Variants in PRKCI observed in about 807,000 individuals in gnomAD.
The protein encoded by PRKCI is protein kinase C iota.
In PRKCI, 43 loss-of-function variants were observed where a neutral mutation model predicts 84.0. That is an observed-to-expected ratio of 0.51 (90% CI 0.40 to 0.66). The LOEUF is 0.66. Ranked by LOEUF, PRKCI falls within the 30% of genes least tolerant of loss-of-function variation. PRKCI has a pLI of 0.00. For missense variants in PRKCI, 459 were observed against 745.6 expected, an observed-to-expected ratio of 0.62 and a Z score of 4.48; for synonymous variants, 216 against 234.4, an observed-to-expected ratio of 0.92 and a Z score of 0.72.
At chr3:170,289,351 T>C (rs765026593) in intron 12 of PRKCI, among the ~76,000 whole-genome samples, 16 of 152,216 alleles carry the variant, frequency 1.1e-4, no homozygotes, top group Admixed American at 3.3e-4. Context: ...TTCTAGATGT[T>C]TATAGCAGTG....
At chr3:170,269,146 C>T (rs1733938632) in intron 5 of PRKCI, among the ~76,000 whole-genome samples, 1 of 152,176 alleles carries the variant, frequency 6.6e-6, no homozygotes, top group Admixed American at 6.5e-5. Context: ...AACTCCTGAC[C>T]TCGCGTGATC....
chr3:170,222,447 G>C lies in PRKCI; in HGVS notation c.-223G>C, dbSNP rs904649847. The C allele has an allele frequency of 4.0e-5, 18 of 450,708 alleles. No individual in the cohort carries two copies. Among genetic ancestry groups the C allele is most frequent in the Non-Finnish European group, 5.8e-5 (15 of 259,518 alleles). The allele number at this position is 450,708 out of a possible 1,614,324, so 27.9% of individuals were successfully genotyped here. On this transcript the variant is annotated 5_prime_UTR_variant, in exon 1 of 18. Coordinates refer to ENST00000295797, the MANE Select transcript of PRKCI (RefSeq NM_002740.6). ...CCGACGCAGGAGGTGTCTTGGGCCC[G>C]GGCGGCTGTAGAGGCGGCGGCGCCT...
intron 1 of PRKCI, among the ~76,000 whole-genome samples, chr3:170,226,054 A>G (rs1732620470): frequency 6.6e-6 from 1 of 151,940 alleles, no homozygotes; most frequent in Non-Finnish European, 1.5e-5. Flanking sequence ...GTGGGACTAC[A>G]GGCGCCCACC....
At position 170,225,607 on chromosome 3, in the gene PRKCI, C is replaced by T. The variant is rs545271204; in HGVS notation, c.101+2837C>T. 4.6e-5 allele frequency among the ~76,000 whole-genome samples: 7 copies of T among 151,046 alleles called. No homozygotes were observed. In the South Asian group the frequency reaches 8.3e-4, roughly 18 times the overall value. ...TTTTTAAATAGAGACAAGGTCTCAC[C>T]GTGTTGCCCAGGCTAATCCCAAACT... On this transcript the variant is annotated intron_variant, in intron 1 of 17. Transcript: ENST00000295797.
intron 2 of PRKCI, among the ~76,000 whole-genome samples, chr3:170,250,391 C>T (rs1237181119): frequency 6.7e-6 from 1 of 150,270 alleles, no homozygotes; most frequent in Non-Finnish European, 1.5e-5. Flanking sequence ...CAGAGTTGTG[C>T]AGCTGTTATC....
intron 1 of PRKCI, among the ~76,000 whole-genome samples, chr3:170,228,127 A>G (rs1194532212): frequency 6.6e-6 from 1 of 152,182 alleles, no homozygotes; most frequent in Non-Finnish European, 1.5e-5. Flanking sequence ...TCAGGAGGAA[A>G]TGTCAGAAAG....
chr3:170,293,497 A>C lies in PRKCI; in HGVS notation c.1406A>C (p.Tyr469Ser). Residue 469 changes from tyrosine (Y) to serine (S), a missense_variant, in exon 14 of 18, where the codon TAT (tyrosine) becomes TCT (serine). Tyr to Ser is a moderately radical substitution (Grantham distance 144). Coordinates refer to ENST00000295797, the MANE Select transcript of PRKCI (RefSeq NM_002740.6). ...AACCCTGACCAGAACACAGAGGATT[A>C]TCTCTTCCAAGGTAATTTGGAGTAT... The part of the protein sequence containing the change: ...SDNPDQNTED[Y>S]LFQVILEKQI... The C allele has an allele frequency of 6.2e-7, 1 of 1,613,536 alleles. No homozygotes were observed. Among genetic ancestry groups the C allele is most frequent in the Non-Finnish European group, 8.5e-7 (1 of 1,179,730 alleles).
At chr3:170,266,538 C>A in intron 4 of PRKCI, among the ~76,000 whole-genome samples, 1 of 149,628 alleles carries the variant, frequency 6.7e-6, no homozygotes. Context: ...AAACAACTAA[C>A]CAGACTCTTT....
intron 7 of PRKCI, among the ~76,000 whole-genome samples, chr3:170,273,673 G>A (rs1166594654): frequency 6.6e-6 from 1 of 151,062 alleles, no homozygotes; most frequent in African/African-American, 2.4e-5. Context: ...AAATTAGCAG[G>A]GTGTGGTGGC....
chr3:170,272,730 C>G (rs777171258), intron 6 of PRKCI, among the ~76,000 whole-genome samples: 1 of 152,126 alleles, frequency 6.6e-6, no homozygotes, highest in Non-Finnish European at 1.5e-5. Context: ...AAGAATAAAT[C>G]AGTAATAACT....
At chr3:170,302,195 A>G (rs1461974916) in intron 17 of PRKCI, among the ~76,000 whole-genome samples, 4 of 152,178 alleles carry the variant, frequency 2.6e-5, no homozygotes, top group South Asian at 2.1e-4. Flanking sequence ...ACACACTTCT[A>G]TTCCTGTGCT....
chr3:170,243,366 C>T (rs1021939911), intron 2 of PRKCI, among the ~76,000 whole-genome samples: 2 of 152,130 alleles, frequency 1.3e-5, no homozygotes, highest in African/African-American at 4.8e-5. Context: ...CTTCTTATTG[C>T]TGAGTAGTAT....
chr3:170,273,416 C>A, intron 7 of PRKCI, 76 bp downstream of exon 7: 2 of 1,395,056 alleles, frequency 1.4e-6, no homozygotes, highest in South Asian at 2.4e-5. Context: ...GACTCTCTTA[C>A]CCAAGTTTAA....
chr3:170,222,712 G>T lies in PRKCI; in HGVS notation c.43G>T (p.Ala15Ser). ...RDSSTMSHTV[A>S]GGGSGDHSHQ... ...CAGCAGCACCATGTCCCACACGGTC[G>T]CAGGCGGCGGCAGCGGGGACCATTC... Residue 15 changes from alanine to serine, a missense_variant, in exon 1 of 18, where the codon GCA becomes TCA. Around this residue, in one of 2 missense-constraint regions of PRKCI, gnomAD observed 250 missense variants for 319.7 expected, o/e 0.78. Coordinates refer to ENST00000295797, the MANE Select transcript of PRKCI (RefSeq NM_002740.6). 4.3e-6 allele frequency: 7 copies of T among 1,610,200 alleles called. No homozygotes were observed. The highest frequency in any genetic ancestry group is 5.9e-6 in the Non-Finnish European group (7 of 1,178,964).
intron 2 of PRKCI, 45 bp from the exon 3 acceptor site, chr3:170,259,924 T>A (rs757809630): frequency 3.4e-6 from 4 of 1,185,014 alleles, no homozygotes; most frequent in Middle Eastern, 2.0e-4. Context: ...ATCATCACAT[T>A]TAGGGGTTTT....
intron 7 of PRKCI, among the ~76,000 whole-genome samples, chr3:170,274,380 C>T (rs542015235): frequency 9.2e-5 from 14 of 152,252 alleles, no homozygotes; most frequent in Admixed American, 3.9e-4. Flanking sequence ...GTAATCCACC[C>T]GCCTTGGCCT....
intron 4 of PRKCI, among the ~76,000 whole-genome samples, chr3:170,267,513 A>G (rs1733890398): frequency 6.6e-6 from 1 of 152,032 alleles, no homozygotes; most frequent in Admixed American, 6.6e-5. Flanking sequence ...GTCTCTACTA[A>G]GAATACAAAA....
intron 10 of PRKCI, chr3:170,281,660 A>C: frequency 2.0e-6 from 1 of 491,190 alleles, no homozygotes; most frequent in Non-Finnish European, 3.4e-6. Context: ...TGCAAGTGGT[A>C]CTACTTTAGA....
chr3:170,281,853 G>C, intron 10 of PRKCI, 29 bp from the exon 11 acceptor site: 1 of 1,562,414 alleles, frequency 6.4e-7, no homozygotes, highest in Non-Finnish European at 8.6e-7. Context: ...TTTGGATCTT[G>C]ATTTCATGGG....
Sources: gnomAD v4.1 joint callset for allele counts (sites outside exome capture counted in the v4.1 genomes callset) on GRCh38, gnomAD v4.1.1 for gene constraint, gnomAD v4.1.1 regional missense constraint, MANE v1.5 for transcripts, NCBI Gene and HGNC (gene_info 2026-07-23, HGNC 2026-07-21) for gene names.